AJUBA: variants seen among roughly 807,000 people sequenced by gnomAD.
The protein encoded by AJUBA is LIM domain-containing protein ajuba.
A neutral mutation model predicts 53.3 loss-of-function variants in AJUBA; 20 were observed. That is an observed-to-expected ratio of 0.38 (90% confidence interval 0.26 to 0.55). AJUBA has a LOEUF of 0.55. Ranked by LOEUF, AJUBA falls within the 20% of genes least tolerant of loss-of-function variation. The probability of loss-of-function intolerance (pLI) is 0.80; values close to 1 mark genes in which losing one functional copy is unlikely to be tolerated. For missense variants in AJUBA, 580 were observed against 730.5 expected (o/e 0.79, Z 2.38); for synonymous variants, 296 against 306.2 (o/e 0.97, Z 0.35).
chr14:22,979,018 G>A lies in AJUBA; in HGVS notation c.1007-573C>T. 7.8e-7 allele frequency: 1 copy of A among 1,289,180 alleles called. No homozygotes were observed. The allele number at this position is 1,289,180 out of a possible 1,614,324, so 79.9% of individuals were successfully genotyped here. Reference sequence around the variant, plus strand: ...TTGGCAGAGGGCTCCGTGCAGAGGGGACCATGTGAGCATGATTCCTGTGGG... The same window carrying A: ...TTGGCAGAGGGCTCCGTGCAGAGGGAACCATGTGAGCATGATTCCTGTGGG... On this transcript the variant is annotated intron_variant, in intron 1 of 7. Transcript: ENST00000262713. This position sits in a 1 kb window ranked among gnomAD's most constrained non-coding sequence, Gnocchi z 4.0.
Position 22,981,748 on chromosome 14 carries a change from G to T in AJUBA, c.519C>A (p.His173Gln). Residue 173 changes from histidine (H) to glutamine (Q), a missense_variant, in exon 1 of 8, where the codon CAC becomes CAA. Physicochemically the swap from His to Gln is conservative, Grantham distance 24 (BLOSUM62 0). Transcript: ENST00000262713. ...SGISMGYDQR[H>Q]GSPLPAGPCL... ...ACGGCCCCGCTGGCAAGGGGCTCCC[G>T]TGGCGCTGGTCGTAGCCCATGCTGA... 6.5e-7 allele frequency: 1 copy of T among 1,534,090 alleles called. No individual in the cohort carries two copies. The highest frequency in any genetic ancestry group is 8.7e-7 in the Non-Finnish European group (1 of 1,145,580).
In AJUBA at chr14:22,979,280, T is replaced by C; in HGVS notation, c.1007-835A>G. Reference sequence around the variant, plus strand: ...CACTCCCCAATTCCAGGCCCATGAGTGAGGGCTAGGGCCTGTCTTTGGGGA... The same window carrying C: ...CACTCCCCAATTCCAGGCCCATGAGCGAGGGCTAGGGCCTGTCTTTGGGGA... On this transcript the variant is annotated intron_variant, in intron 1 of 7. Coordinates refer to ENST00000262713, the MANE Select transcript of AJUBA (RefSeq NM_032876.6). The surrounding 1 kb of genome is among the most constrained non-coding windows in gnomAD (Gnocchi z 4.0). The C allele has an allele frequency of 2.3e-6, 1 of 427,152 alleles. No individual in the cohort carries two copies. The highest frequency in any genetic ancestry group is 3.1e-6 in the Non-Finnish European group (1 of 319,770). 26.5% of individuals were successfully genotyped at this position (427,152 alleles called of 1,614,324 possible). A position where few individuals can be genotyped will look rare whatever the true frequency, so the allele number is the denominator to read the frequency against.
chr14:22,982,351 A>T lies in AJUBA; in HGVS notation c.-85T>A. The T allele has an allele frequency of 6.4e-7, 1 of 1,562,390 alleles. No homozygotes were observed. The highest frequency in any genetic ancestry group is 8.6e-7 in the Non-Finnish European group (1 of 1,162,156). On this transcript the variant is annotated 5_prime_UTR_variant, in exon 1 of 8. Transcript: ENST00000262713. ...GCCGGTTCTCTTTCCCTGCAGCCGG[A>T]CTCTGGTTCCCCAGGGGCACAGGGG...
chr14:22,980,498 A>G, intron 1 of AJUBA: 1 of 677,596 alleles, frequency 1.5e-6, no homozygotes, highest in East Asian at 1.4e-4. Flanking sequence ...ATCCATCCAG[A>G]GGTAATGGTG....
chr14:22,973,909 CT>C, intron 7 of AJUBA, 137 bp downstream of exon 7: 1 of 1,030,782 alleles, frequency 9.7e-7, no homozygotes, highest in Non-Finnish European at 1.5e-6. Flanking sequence ...AAAAAAGAGA[CT>C]GAAGATAGGT....
intron 1 of AJUBA, chr14:22,980,737 C>A: frequency 1.0e-6 from 1 of 967,214 alleles, no homozygotes; most frequent in Non-Finnish European, 1.2e-6. Context: ...GAACCCCACC[C>A]CTCCGCCGCG....
In AJUBA at chr14:22,979,267, C is replaced by A. The variant is rs2045065783; in HGVS notation, c.1007-822G>T. On this transcript the variant is annotated intron_variant, in intron 1 of 7. Transcript: ENST00000262713. This position sits in a 1 kb window ranked among gnomAD's most constrained non-coding sequence, Gnocchi z 4.0. ...TCTTCCCTCCCTCCACTCCCCAATT[C>A]CAGGCCCATGAGTGAGGGCTAGGGC... is the stretch of plus-strand genomic sequence containing the variant. 2.0e-6 allele frequency: 1 copy of A among 506,968 alleles called. No homozygotes were observed. Among genetic ancestry groups the A allele is most frequent in the Non-Finnish European group, 2.5e-6 (1 of 392,940 alleles). The allele number at this position is 506,968 out of a possible 1,614,324, so 31.4% of individuals were successfully genotyped here. A position where few individuals can be genotyped will look rare whatever the true frequency, so the allele number is the denominator to read the frequency against.
chr14:22,982,440 C>A lies in AJUBA; in HGVS notation c.-174G>T. ...CCAGGAATCCCACAGCATCCCCCAG[C>A]GGGAGGGGCTGCGTCCCCCCGCGCA... is the stretch of plus-strand genomic sequence containing the variant. On this transcript the variant is annotated 5_prime_UTR_variant, in exon 1 of 8. Coordinates refer to ENST00000262713, the MANE Select transcript of AJUBA (RefSeq NM_032876.6). The A allele has an allele frequency of 1.0e-5, 15 of 1,433,270 alleles. No individual in the cohort carries two copies. The South Asian group carries it at 1.5e-4, about 14-fold the overall frequency. 88.8% of individuals were successfully genotyped at this position (1,433,270 alleles called of 1,614,324 possible).
Position 22,981,478 on chromosome 14 carries a change from A to G in AJUBA, c.789T>C (p.Ser263=). The change falls in exon 1 of 8, where the codon TCT becomes TCC. Residue 263 remains serine, a synonymous_variant. Coordinates refer to ENST00000262713, the MANE Select transcript of AJUBA (RefSeq NM_032876.6). ...CGGCGCAGTCCCCGTAGCCGGTCAC[A>G]GAGTGTCGTCCGGGTTGCGCCCCCC... ...ERRGAQPGRH[S]VTGYGDCAVG... is the part of the protein sequence containing the mutation. The G allele has an allele frequency of 1.2e-6, 2 of 1,604,570 alleles. No individual in the cohort carries two copies. The highest frequency in any genetic ancestry group is 1.7e-6 in the Non-Finnish European group (2 of 1,176,788).
chr14:22,973,659 T>A, intron 7 of AJUBA, 91 bp from the exon 8 acceptor site: 1 of 1,523,860 alleles, frequency 6.6e-7, no homozygotes, highest in African/African-American at 1.4e-5. Context: ...ACCTGACTCC[T>A]AATAACTGGA....
chr14:22,972,493 A>G lies in AJUBA; in HGVS notation c.*950T>C, dbSNP rs1403334837. 1 of 152,558 alleles carries G rather than the reference A, an allele frequency of 6.6e-6. No homozygotes were observed. Among genetic ancestry groups the G allele is most frequent in the Non-Finnish European group, 1.5e-5 (1 of 68,078 alleles). 9.5% of individuals were successfully genotyped at this position (152,558 alleles called of 1,614,324 possible). ...CATCCCCCCAACAAGCTCCACACCC[A>G]CAGAGATCTGCTCATTACCTCCCCC... On this transcript the variant is annotated 3_prime_UTR_variant, in exon 8 of 8. Transcript: ENST00000262713.
chr14:22,974,715 G>A, intron 6 of AJUBA, 124 bp downstream of exon 6: 1 of 1,153,326 alleles, frequency 8.7e-7, no homozygotes, highest in South Asian at 1.5e-5. Context: ...AGTCACACGG[G>A]AATCTTCACA....
chr14:22,978,391 G>C lies in AJUBA; in HGVS notation c.1061C>G (p.Ala354Gly). The C allele has an allele frequency of 6.2e-7, 1 of 1,613,954 alleles. No homozygotes were observed. The highest frequency in any genetic ancestry group is 8.5e-7 in the Non-Finnish European group (1 of 1,179,860). Residue 354 changes from alanine to glycine, a missense_variant, in exon 2 of 8, where the codon GCC becomes GGC. This residue lies in a region of AJUBA where 150 missense variants were observed against 259.0 expected (regional missense o/e 0.58). Transcript: ENST00000262713. ...GIYGQSNACQ[A>G]LDSLYHTQCF... Reference sequence around the variant, plus strand: ...CTGGGTGTGGTAGAGGCTGTCCAGGGCCTGGCAGGCATTGCTCTGCCCATA... The same window carrying C: ...CTGGGTGTGGTAGAGGCTGTCCAGGCCCTGGCAGGCATTGCTCTGCCCATA...
rs2045064942 is a variant in AJUBA at position 22,979,163 on chromosome 14, C to T, written c.1007-718G>A. Reference sequence around the variant, plus strand: ...CTTCTATCATGGGAAGAATACAGAACTGAACTGCTTGCTATTCCCCAAAAT... The same window carrying T: ...CTTCTATCATGGGAAGAATACAGAATTGAACTGCTTGCTATTCCCCAAAAT... On this transcript the variant is annotated intron_variant, in intron 1 of 7. Transcript: ENST00000262713. The surrounding 1 kb of genome is among the most constrained non-coding windows in gnomAD (Gnocchi z 4.0). 6 of 1,198,818 alleles carry T rather than the reference C, an allele frequency of 5.0e-6. No individual in the cohort carries two copies. The African/African-American group carries it at 9.6e-5, about 19-fold the overall frequency. The allele number at this position is 1,198,818 out of a possible 1,614,324, so 74.3% of individuals were successfully genotyped here.
chr14:22,977,003 C>T, intron 2 of AJUBA: 1 of 1,292,944 alleles, frequency 7.7e-7, no homozygotes, highest in Non-Finnish European at 9.8e-7. Flanking sequence ...CTCTCCAGTG[C>T]ATAGGAAGCC....
chr14:22,981,230 C>G (rs2045088967), intron 1 of AJUBA, 31 bp downstream of exon 1: 2 of 1,560,600 alleles, frequency 1.3e-6, no homozygotes, highest in Non-Finnish European at 1.7e-6. Flanking sequence ...TGACGGGTCC[C>G]TTCCCGTCCC....
In AJUBA at chr14:22,982,483, C is replaced by A; in HGVS notation, c.-217G>T. 7.1e-7 allele frequency: 1 copy of A among 1,412,730 alleles called. No individual in the cohort carries two copies. Among genetic ancestry groups the A allele is most frequent in the Non-Finnish European group, 9.2e-7 (1 of 1,090,078 alleles). The allele number at this position is 1,412,730 out of a possible 1,614,324, so 87.5% of individuals were successfully genotyped here. A position where few individuals can be genotyped will look rare whatever the true frequency, so the allele number is the denominator to read the frequency against. ...CCCGCGCATCTGGGGCTGAGCGGGG[C>A]TAGCAGGGTCTCTGGCCGCGGCTGT... is the stretch of plus-strand genomic sequence containing the variant. On this transcript the variant is annotated 5_prime_UTR_variant, in exon 1 of 8. Transcript: ENST00000262713.
Position 22,982,479 on chromosome 14 carries a change from G to C in AJUBA, c.-213C>G. 2.1e-6 allele frequency: 3 copies of C among 1,414,588 alleles called. No homozygotes were observed. The highest frequency in any genetic ancestry group is 2.7e-6 in the Non-Finnish European group (3 of 1,091,160). The allele number at this position is 1,414,588 out of a possible 1,614,324, so 87.6% of individuals were successfully genotyped here. ...TCCCCCCGCGCATCTGGGGCTGAGC[G>C]GGGCTAGCAGGGTCTCTGGCCGCGG... is the stretch of plus-strand genomic sequence containing the variant. On this transcript the variant is annotated 5_prime_UTR_variant, in exon 1 of 8. Transcript: ENST00000262713.
chr14:22,976,418 T>G (rs1376902631), intron 4 of AJUBA, 38 bp downstream of exon 4: 1 of 1,601,440 alleles, frequency 6.2e-7, no homozygotes, highest in Non-Finnish European at 8.6e-7. Flanking sequence ...CTCCTCAGCC[T>G]CACAGTGAGA....
Sources: gnomAD v4.1 joint callset for allele counts on GRCh38, gnomAD v4.1.1 for gene constraint, gnomAD v4.1.1 regional missense constraint, Gnocchi (gnomAD v3.1) non-coding constraint, MANE v1.5 for transcripts, NCBI Gene and HGNC (gene_info 2026-07-23, HGNC 2026-07-21) for gene names.